HOOK3: variants seen among roughly 807,000 people sequenced by gnomAD.
HOOK3 encodes protein Hook homolog 3.
In HOOK3, 24 loss-of-function variants were observed where a neutral mutation model predicts 116.3. That is an observed-to-expected ratio of 0.21 (90% CI 0.15 to 0.29). HOOK3 has a LOEUF of 0.29. HOOK3 is among the 10% of genes least tolerant of loss of function. The pLI is 1.00. For missense variants in HOOK3, 632 were observed against 830.2 expected, an observed-to-expected ratio of 0.76 and a Z score of 2.93; for synonymous variants, 275 against 283.0, an observed-to-expected ratio of 0.97 and a Z score of 0.28.
At chr8:42,967,944 C>T (rs2130425845) in intron 10 of HOOK3, 69 bp from the exon 11 acceptor site, 2 of 881,252 alleles carry the variant, frequency 2.3e-6, no homozygotes, top group East Asian at 2.4e-5. Flanking sequence ...GGCAATCCTT[C>T]TTAACACTGA....
Position 43,010,103 on chromosome 8 carries a change from T to TAAA in HOOK3, c.1739-187_1739-185dup, listed in dbSNP as rs34194371. 7.1e-4 allele frequency among the ~76,000 whole-genome samples: 93 copies of TAAA among 131,686 alleles called. 2 individuals are homozygous for TAAA. In the South Asian group the frequency reaches 0.021, roughly 30 times the overall value. 86.4% of individuals were successfully genotyped at this position (131,686 alleles called of 152,430 possible). A position where few individuals can be genotyped will look rare whatever the true frequency, so the allele number is the denominator to read the frequency against. ...ATTTATTTATAAGAAAATCTTTTTG[T>TAAA]AAAAAAAAAAAAAAAAATTCTGAAT... is the stretch of plus-strand genomic sequence containing the variant. On this transcript the variant is annotated intron_variant, in intron 18 of 21. Coordinates refer to ENST00000307602, the MANE Select transcript of HOOK3 (RefSeq NM_032410.4).
intron 2 of HOOK3, among the ~76,000 whole-genome samples, chr8:42,913,890 A>T (rs1039195333): frequency 6.6e-6 from 1 of 152,090 alleles, no homozygotes; most frequent in African/African-American, 2.4e-5. Flanking sequence ...TTAAAAAAAA[A>T]GAATTTAAAT....
intron 15 of HOOK3, among the ~76,000 whole-genome samples, chr8:42,989,620 CTT>C (rs538193876): frequency 6.6e-6 from 1 of 152,144 alleles, no homozygotes; most frequent in South Asian, 2.1e-4. Context: ...CCATTATACT[CTT>C]TAGTTATTTT....
At chr8:42,962,665 A>G (rs1387451760) in intron 8 of HOOK3, among the ~76,000 whole-genome samples, 13 of 152,198 alleles carry the variant, frequency 8.5e-5, no homozygotes, top group Admixed American at 8.5e-4. Flanking sequence ...TCAGTCTCCC[A>G]AAGTGCTAGG....
At chr8:42,897,749 T>G (rs1172970172) in intron 1 of HOOK3, among the ~76,000 whole-genome samples, 1 of 152,222 alleles carries the variant, frequency 6.6e-6, no homozygotes, top group African/African-American at 2.4e-5. Flanking sequence ...TCGAAGGCCT[T>G]GGGGGACAGA....
At chr8:42,904,592 T>A (rs1468685260) in intron 1 of HOOK3, among the ~76,000 whole-genome samples, 2 of 152,184 alleles carry the variant, frequency 1.3e-5, no homozygotes, top group African/African-American at 4.8e-5. Flanking sequence ...ATTACAGGCA[T>A]GAGCCACCGC....
At chr8:43,004,931 A>G (rs577544954) in intron 17 of HOOK3, among the ~76,000 whole-genome samples, 1 of 152,066 alleles carries the variant, frequency 6.6e-6, no homozygotes, top group African/African-American at 2.4e-5. Context: ...GAGGCATTTA[A>G]AAGAAAGTAT....
chr8:42,998,837 T>A (rs1295174616), intron 16 of HOOK3, among the ~76,000 whole-genome samples: 1 of 152,206 alleles, frequency 6.6e-6, no homozygotes, highest in African/African-American at 2.4e-5. Context: ...AACATGTTTT[T>A]ATTCAAAATG....
chr8:42,990,911 G>T (rs1017842837), intron 15 of HOOK3, among the ~76,000 whole-genome samples: 1 of 152,096 alleles, frequency 6.6e-6, no homozygotes, highest in Non-Finnish European at 1.5e-5. Flanking sequence ...CCAATGTCCA[G>T]TTTTGTTTTA....
chr8:42,908,639 A>G (rs977912388), intron 2 of HOOK3, among the ~76,000 whole-genome samples: 6 of 152,262 alleles, frequency 3.9e-5, no homozygotes, highest in Admixed American at 1.3e-4. Flanking sequence ...CCCTTATCTC[A>G]CGCCACATGC....
chr8:42,997,850 T>G (rs960394348), intron 16 of HOOK3: 1 of 443,492 alleles, frequency 2.3e-6, no homozygotes, highest in African/African-American at 2.0e-5. Context: ...GAATTAGAAG[T>G]TCATTTCTAG....
At chr8:42,906,790 A>G (rs1279948535) in intron 2 of HOOK3, among the ~76,000 whole-genome samples, 2 of 152,196 alleles carry the variant, frequency 1.3e-5, no homozygotes, top group Non-Finnish European at 2.9e-5. Context: ...TAAACTCCAC[A>G]TGGAGCCAGG....
At position 42,947,915 on chromosome 8, in the gene HOOK3, T is replaced by C. The variant is rs142157970; in HGVS notation, c.401-2473T>C. ...GTGTACAGATTAAAAGAGGCTTATG[T>C]TTAAATGTGTTTCCTAATTAGAAGA... On this transcript the variant is annotated intron_variant, in intron 5 of 21. Transcript: ENST00000307602. Among the ~76,000 whole-genome samples, 15 of 152,234 alleles carry C rather than the reference T, an allele frequency of 9.9e-5. No individual in the cohort carries two copies. In the East Asian group the frequency reaches 2.7e-3, roughly 27 times the overall value.
intron 6 of HOOK3, among the ~76,000 whole-genome samples, chr8:42,952,550 C>T (rs1384967913): frequency 6.6e-6 from 1 of 152,184 alleles, no homozygotes; most frequent in Non-Finnish European, 1.5e-5. Flanking sequence ...TAACAAAGCC[C>T]CAACCTTCTA....
intron 15 of HOOK3, among the ~76,000 whole-genome samples, chr8:42,989,760 A>G (rs1471829230): frequency 6.6e-6 from 1 of 152,076 alleles, no homozygotes; most frequent in African/African-American, 2.4e-5. Flanking sequence ...AGCCTCTGGT[A>G]ACCATCCCAT....
At chr8:42,899,758 A>C (rs1446439020) in intron 1 of HOOK3, among the ~76,000 whole-genome samples, 1 of 152,218 alleles carries the variant, frequency 6.6e-6, no homozygotes, top group Non-Finnish European at 1.5e-5. Context: ...GACACTCAGC[A>C]AAATGCAGAC....
At chr8:42,944,682 G>T (rs562788870) in intron 5 of HOOK3, among the ~76,000 whole-genome samples, 4 of 151,646 alleles carry the variant, frequency 2.6e-5, no homozygotes, top group Non-Finnish European at 5.9e-5. Context: ...AGCCGGGCGC[G>T]GTGGTGGGCG....
intron 2 of HOOK3, among the ~76,000 whole-genome samples, chr8:42,919,357 G>A: frequency 6.6e-6 from 1 of 151,486 alleles, no homozygotes; most frequent in East Asian, 2.0e-4. Context: ...GTCGTGGCCG[G>A]GCAGAGGCGC....
At chr8:43,000,495 TC>T in intron 16 of HOOK3, among the ~76,000 whole-genome samples, 1 of 152,210 alleles carries the variant, frequency 6.6e-6, no homozygotes, top group Non-Finnish European at 1.5e-5. Flanking sequence ...TTGGTTTTAT[TC>T]CCCATTCCAC....
Sources: gnomAD v4.1 joint callset for allele counts (sites outside exome capture counted in the v4.1 genomes callset) on GRCh38, gnomAD v4.1.1 for gene constraint, MANE v1.5 for transcripts, NCBI Gene and HGNC (gene_info 2026-07-23, HGNC 2026-07-21) for gene names.